DSG4: variants seen among roughly 807,000 people sequenced by gnomAD.
DSG4 encodes desmoglein 4.
Under a neutral mutation model 93.1 loss-of-function variants are expected in DSG4, and 87 were observed. The observed-to-expected ratio is 0.93, with a 90% CI of 0.79 to 1.12. DSG4 has a LOEUF of 1.12. DSG4 is among the 50% of genes most tolerant of loss of function. DSG4 has a pLI of 0.00. For missense variants in DSG4, 1,373 were observed against 1,285.7 expected (o/e 1.07, Z -1.04); for synonymous variants, 432 against 452.9 (o/e 0.95, Z 0.59).
At chr18:31,384,970 G>A (rs1161323757) in intron 1 of DSG4, among the ~76,000 whole-genome samples, 166 bp from the exon 2 acceptor site, 1 of 151,982 alleles carries the variant, frequency 6.6e-6, no homozygotes, top group African/African-American at 2.4e-5. Context: ...TACTTTGGAG[G>A]GCAAAAAGTC....
intron 15 of DSG4, among the ~76,000 whole-genome samples, chr18:31,411,835 C>T (rs531312339): frequency 1.3e-5 from 2 of 151,972 alleles, no homozygotes; most frequent in East Asian, 1.9e-4. Flanking sequence ...CATGTTCTCC[C>T]GGAGCCTCCA....
chr18:31,380,399 T>C (rs549593933), intron 1 of DSG4, among the ~76,000 whole-genome samples: 2 of 152,344 alleles, frequency 1.3e-5, no homozygotes, highest in African/African-American at 4.8e-5. Flanking sequence ...TGCAGTAATG[T>C]TTCCTTCCCT....
chr18:31,398,948 CT>C (rs2072334166), intron 8 of DSG4, among the ~76,000 whole-genome samples: 1 of 152,132 alleles, frequency 6.6e-6, no homozygotes, highest in South Asian at 2.1e-4. Context: ...TATTCTAAAG[CT>C]TTTTTTCATA....
chr18:31,385,332 C>T (rs2072176108), intron 2 of DSG4, among the ~76,000 whole-genome samples, 161 bp downstream of exon 2: 1 of 152,180 alleles, frequency 6.6e-6, no homozygotes, highest in African/African-American at 2.4e-5. Flanking sequence ...AAAATCCATG[C>T]TCCCAAATCT....
chr18:31,409,684 G>A (rs2144216242), intron 13 of DSG4, 61 bp from the exon 14 acceptor site: 2 of 1,613,612 alleles, frequency 1.2e-6, no homozygotes, highest in East Asian at 4.5e-5. Flanking sequence ...ATGAACAGAT[G>A]TCAGTTTTTA....
intron 10 of DSG4, among the ~76,000 whole-genome samples, chr18:31,401,421 A>G (rs2144199801): frequency 1.3e-5 from 2 of 152,266 alleles, no homozygotes; most frequent in East Asian, 3.9e-4. Context: ...CAAGAATACA[A>G]TTATTTTAGA....
intron 1 of DSG4, among the ~76,000 whole-genome samples, chr18:31,382,142 A>G (rs2072142480): frequency 6.6e-6 from 1 of 152,052 alleles, no homozygotes; most frequent in Admixed American, 6.6e-5. Flanking sequence ...TCTCCAGGTT[A>G]TGTTTGCTCC....
In DSG4 at chr18:31,406,065, C is replaced by T. The variant is rs2072421432; in HGVS notation, c.1637-12C>T. 6.2e-7 allele frequency: 1 copy of T among 1,613,858 alleles called. No homozygotes were observed. The highest frequency in any genetic ancestry group is 8.5e-7 in the Non-Finnish European group (1 of 1,180,000). On this transcript the variant is annotated splice_polypyrimidine_tract_variant and intron_variant, in intron 11 of 15. Transcript: ENST00000308128. The stretch of plus-strand genomic sequence containing the variant: ...TTTCCATTTATTTTCTGTTTCCTCT[C>T]TTCCATTTCAGCTACCTCGGCAATC...
chr18:31,380,283 G>A (rs2072120132), intron 1 of DSG4, among the ~76,000 whole-genome samples: 1 of 151,918 alleles, frequency 6.6e-6, no homozygotes, highest in Non-Finnish European at 1.5e-5. Flanking sequence ...TACTTTTTTT[G>A]TTGGGGACAG....
At position 31,386,749 on chromosome 18, in the gene DSG4, G is replaced by A. The variant is rs779332288; in HGVS notation, c.146G>A (p.Arg49Gln). The A allele has an allele frequency of 1.9e-5, 30 of 1,613,358 alleles. No individual in the cohort carries two copies. Among genetic ancestry groups the A allele is most frequent in the Admixed American group, 5.0e-5 (3 of 59,944 alleles). ...TKWQTVRRQKREWIKFAAACR... is the reference protein window; with the variant it reads ...TKWQTVRRQKQEWIKFAAACR... Reference sequence around the variant, plus strand: ...TGGCAAACAGTCAGAAGACAAAAGCGGGAGTGGATCAAGTTTGCCGCAGCC... The same window carrying A: ...TGGCAAACAGTCAGAAGACAAAAGCAGGAGTGGATCAAGTTTGCCGCAGCC... The change falls in exon 3 of 16, where the codon CGG becomes CAG. Residue 49 changes from arginine (R) to glutamine (Q), a missense_variant. Transcript: ENST00000308128.
intron 8 of DSG4, among the ~76,000 whole-genome samples, chr18:31,398,214 G>C (rs527443452): frequency 6.6e-6 from 1 of 152,212 alleles, no homozygotes; most frequent in Non-Finnish European, 1.5e-5. Context: ...CTATTACGTG[G>C]ACCAGTGGAC....
chr18:31,395,652 C>A (rs2072297864), intron 8 of DSG4, among the ~76,000 whole-genome samples: 1 of 152,156 alleles, frequency 6.6e-6, no homozygotes, highest in African/African-American at 2.4e-5. Context: ...CCTGAGGAAA[C>A]TGGACTTTTG....
At chr18:31,395,772 G>A (rs903278898) in intron 8 of DSG4, among the ~76,000 whole-genome samples, 1 of 152,110 alleles carries the variant, frequency 6.6e-6, no homozygotes. Context: ...AGGCCAAGGC[G>A]GGAGGGTCAC....
Position 31,399,526 on chromosome 18 carries a change from C to G in DSG4, c.1260C>G (p.Asn420Lys). The G allele has an allele frequency of 6.2e-7, 1 of 1,613,968 alleles. No homozygotes were observed. The highest frequency in any genetic ancestry group is 8.5e-7 in the Non-Finnish European group (1 of 1,179,896). Residue 420 changes from asparagine to lysine, a missense_variant, in exon 9 of 16, where the codon AAC becomes AAG. Coordinates refer to ENST00000308128, the MANE Select transcript of DSG4 (RefSeq NM_177986.5). Reference sequence around the variant, plus strand: ...CAGCCATAGATTTGGACACAGGAAACCCTGCAACAGATGTCAGGTACTGCA... The same window carrying G: ...CAGCCATAGATTTGGACACAGGAAAGCCTGCAACAGATGTCAGGTACTGCA... ...TYTAIDLDTGNPATDVRYIIG... is the reference protein window; with the variant it reads ...TYTAIDLDTGKPATDVRYIIG...
rs2072393242 is a variant in DSG4 at position 31,403,554 on chromosome 18, C to CT, written c.1558dup (p.Tyr520LeufsTer11). 1 of 1,614,052 alleles carries CT rather than the reference C, an allele frequency of 6.2e-7. No homozygotes were observed. Among genetic ancestry groups the CT allele is most frequent in the Admixed American group, 1.7e-5 (1 of 60,020 alleles). On this transcript the variant is annotated frameshift_variant, in exon 11 of 16. Coordinates refer to ENST00000308128, the MANE Select transcript of DSG4 (RefSeq NM_177986.5). LOFTEE classifies it high-confidence loss of function. ...GTCCTTATCTCTGTTAATGAACATTCTTATGGGTCTCCGTTTACTTTCTGT... is the reference window on the plus strand; with the variant it reads ...GTCCTTATCTCTGTTAATGAACATTCTTTATGGGTCTCCGTTTACTTTCTGT...
Position 31,386,775 on chromosome 18 carries a change from T to C in DSG4, c.172T>C (p.Cys58Arg), listed in dbSNP as rs149672864. 1.2e-6 allele frequency: 2 copies of C among 1,613,450 alleles called. No homozygotes were observed. Among genetic ancestry groups the C allele is most frequent in the South Asian group, 1.1e-5 (1 of 91,074 alleles). Residue 58 changes from cysteine to arginine, a missense_variant, in exon 3 of 16, where the codon TGT becomes CGT. By Grantham distance (180) the Cys-to-Arg change is radical (BLOSUM62 -3). Transcript: ENST00000308128. ...KREWIKFAAA[C>R]REGEDNSKRN... ...GGAGTGGATCAAGTTTGCCGCAGCC[T>C]GTCGAGAAGGAGAGGACAACTCGAA...
At position 31,400,970 on chromosome 18, in the gene DSG4, C is replaced by T. The variant is rs2072358688; in HGVS notation, c.1367C>T (p.Ser456Leu). ...IQFSREFDKK[S>L]KYIINGIYTA... Reference sequence around the variant, plus strand: ...TTTTCTAGAGAATTTGATAAGAAGTCAAAATATATTATCAATGGGATATAC... The same window carrying T: ...TTTTCTAGAGAATTTGATAAGAAGTTAAAATATATTATCAATGGGATATAC... The change falls in exon 10 of 16, where the codon TCA becomes TTA. Residue 456 changes from serine (S) to leucine (L), a missense_variant. Transcript: ENST00000308128. 5 of 1,611,036 alleles carry T rather than the reference C, an allele frequency of 3.1e-6. No homozygotes were observed. The highest frequency in any genetic ancestry group is 1.7e-5 in the Admixed American group (1 of 59,932).
rs1239952314 is a variant in DSG4, at chr18:31,411,355, G to A, written c.2262G>A (p.Gly754=). 6.2e-7 allele frequency: 1 copy of A among 1,614,124 alleles called. No homozygotes were observed. The highest frequency in any genetic ancestry group is 8.5e-7 in the Non-Finnish European group (1 of 1,180,040). The change falls in exon 15 of 16, where the codon GGG becomes GGA. Residue 754 remains glycine (G), a synonymous_variant. Coordinates refer to ENST00000308128, the MANE Select transcript of DSG4 (RefSeq NM_177986.5). ...LMAAGAAGAS[G]AARKRSSTMG... ...CCGCAGGGGCCGCAGGAGCCTCAGG[G>A]GCCGCAAGGAAGAGGAGCTCTACCA...
chr18:31,388,568 C>A (rs1472808644), intron 4 of DSG4, 46 bp downstream of exon 4: 1 of 1,608,020 alleles, frequency 6.2e-7, no homozygotes, highest in Non-Finnish European at 8.5e-7. Context: ...TAGTTTTCTT[C>A]CCTTTTTCAA....
Sources: allele counts gnomAD v4.1 joint callset (sites outside exome capture counted in the v4.1 genomes callset), GRCh38; gene constraint gnomAD v4.1.1; transcripts MANE v1.5; gene names NCBI Gene and HGNC (gene_info 2026-07-23, HGNC 2026-07-21).